The following GAN variants were observed in gnomAD, a reference collection of about 807,000 sequenced individuals.
The protein encoded by GAN is gigaxonin, also known as epididymis secretory sperm binding protein.
A neutral mutation model predicts 71.3 loss-of-function variants in GAN; 48 were observed. That is an observed-to-expected ratio of 0.67 (90% CI 0.53 to 0.86). The LOEUF is 0.86. GAN is among the 40% of genes least tolerant of loss of function. GAN has a pLI of 0.00. For missense variants in GAN, 928 were observed against 770.1 expected, an observed-to-expected ratio of 1.21 and a Z score of -2.43; for synonymous variants, 386 against 276.8, an observed-to-expected ratio of 1.39 and a Z score of -3.92.
At position 81,383,476 on chromosome 16, in the gene GAN, TCTC is replaced by T. The variant is rs1025495168; in HGVS notation, c.*5883_*5885del. The T allele has an allele frequency of 6.6e-6, 1 of 151,422 alleles. No individual in the cohort carries two copies. The highest frequency in any genetic ancestry group is 2.4e-5 in the African/African-American group (1 of 41,244). 9.4% of individuals were successfully genotyped at this position (151,422 alleles called of 1,614,324 possible). A position where few individuals can be genotyped will look rare whatever the true frequency, so the allele number is the denominator to read the frequency against. Reference sequence around the variant, plus strand: ...ACCATGTTAGCCAGCATGGTCTCGATCTCCTAAACTTCGTGATCCGCCCGCCTC... The same window carrying T: ...ACCATGTTAGCCAGCATGGTCTCGATCTAAACTTCGTGATCCGCCCGCCTC... On this transcript the variant is annotated 3_prime_UTR_variant, in exon 11 of 11. Transcript: ENST00000648994.
chr16:81,363,599 C>G (rs952097724), intron 6 of GAN, among the ~76,000 whole-genome samples, 195 bp from the exon 7 acceptor site: 1 of 152,200 alleles, frequency 6.6e-6, no homozygotes, highest in East Asian at 1.9e-4. Flanking sequence ...TTAATCCAGT[C>G]TCCCAGGTAC....
Position 81,332,796 on chromosome 16 carries a change from G to A in GAN, c.167+17516G>A, listed in dbSNP as rs112095469. Among the ~76,000 whole-genome samples the A allele has an allele frequency of 7.2e-5, 11 of 152,262 alleles. No homozygotes were observed. The South Asian group carries it at 1.9e-3, about 26-fold the overall frequency. On this transcript the variant is annotated intron_variant, in intron 1 of 10. Transcript: ENST00000648994. The stretch of plus-strand genomic sequence containing the variant: ...GTCTTGGTTTTGTTTGGTTTCTTAC[G>A]ATTAGATTGGATGGGAGGGTTGCAT...
At chr16:81,351,981 G>A (rs1910315214) in intron 2 of GAN, among the ~76,000 whole-genome samples, 1 of 152,168 alleles carries the variant, frequency 6.6e-6, no homozygotes, top group Non-Finnish European at 1.5e-5. Flanking sequence ...AACATGGGAT[G>A]CTGCCCTGAC....
intron 1 of GAN, among the ~76,000 whole-genome samples, chr16:81,316,329 C>G (rs191909897): frequency 1.7e-3 from 224 of 133,200 alleles, no homozygotes; most frequent in Middle Eastern, 0.014. Context: ...AGCGCTTTGT[C>G]CCAGCAAAAC....
chr16:81,367,320 C>G (rs1910892023), intron 9 of GAN, among the ~76,000 whole-genome samples: 1 of 151,644 alleles, frequency 6.6e-6, no homozygotes, highest in African/African-American at 2.4e-5. Context: ...GCCAGGAGTT[C>G]AAAACCAGCC....
intron 1 of GAN, among the ~76,000 whole-genome samples, chr16:81,322,070 A>G (rs1344402690): frequency 6.6e-6 from 1 of 152,218 alleles, no homozygotes; most frequent in Non-Finnish European, 1.5e-5. Flanking sequence ...ACTTAGGGCC[A>G]AAGAGTGACT....
At chr16:81,366,494 G>A (rs554177696) in intron 9 of GAN, among the ~76,000 whole-genome samples, 7 of 152,274 alleles carry the variant, frequency 4.6e-5, no homozygotes, top group African/African-American at 1.4e-4. Flanking sequence ...TGTGCTAAAC[G>A]TAATTTTATT....
chr16:81,356,385 G>A (rs1247369396), intron 3 of GAN, among the ~76,000 whole-genome samples: 2 of 151,796 alleles, frequency 1.3e-5, no homozygotes, highest in African/African-American at 2.4e-5. Context: ...TTACCATATT[G>A]TATTGAGCTA....
At chr16:81,347,256 C>T (rs1305302188) in intron 1 of GAN, among the ~76,000 whole-genome samples, 2 of 152,144 alleles carry the variant, frequency 1.3e-5, no homozygotes, top group Non-Finnish European at 2.9e-5. Flanking sequence ...CATTAGTTCA[C>T]TGGAAACTGT....
chr16:81,360,574 GA>G (rs1910641158), intron 5 of GAN, among the ~76,000 whole-genome samples: 2 of 148,726 alleles, frequency 1.3e-5, no homozygotes, highest in African/African-American at 2.5e-5. Flanking sequence ...TTTATCCATT[GA>G]TTTTTTTTTT....
In GAN at chr16:81,348,707, C is replaced by T. The variant is rs182645702; in HGVS notation, c.168-2876C>T. ...TTTAGAAGTACAGCTTCAAAATGTG[C>T]AGGAAGCTCAGAGCCCTATAGGTTA... On this transcript the variant is annotated intron_variant, in intron 1 of 10. Transcript: ENST00000648994. Among the ~76,000 whole-genome samples the T allele has an allele frequency of 2.7e-3, 405 of 152,306 alleles. 10 individuals are homozygous for T. Among genetic ancestry groups the T allele is most frequent in the Admixed American group, 0.024 (363 of 15,296 alleles).
chr16:81,376,824 C>G (rs1597413804), intron 9 of GAN, among the ~76,000 whole-genome samples: 1 of 152,128 alleles, frequency 6.6e-6, no homozygotes, highest in African/African-American at 2.4e-5. Flanking sequence ...CTGCAGTGAA[C>G]CATAATTGTG....
At chr16:81,326,496 G>T (rs1909393780) in intron 1 of GAN, among the ~76,000 whole-genome samples, 1 of 152,200 alleles carries the variant, frequency 6.6e-6, no homozygotes, top group Admixed American at 6.5e-5. Context: ...TCGCGCCATT[G>T]CGCTCTAGCC....
intron 1 of GAN, 110 bp downstream of exon 1, chr16:81,315,390 G>A: frequency 1.4e-6 from 1 of 724,870 alleles, no homozygotes; most frequent in Non-Finnish European, 1.9e-6. Flanking sequence ...CCGGCGCCGG[G>A]GTCCCCGCGT....
chr16:81,328,543 A>AT (rs1455557518), intron 1 of GAN, among the ~76,000 whole-genome samples: 4 of 152,192 alleles, frequency 2.6e-5, no homozygotes, highest in Non-Finnish European at 5.9e-5. Flanking sequence ...TGGAGACTAT[A>AT]TCCCAGATCT....
chr16:81,373,966 C>T lies in GAN; in HGVS notation c.1503-3253C>T, dbSNP rs145807020. ...CCATGTTGGCCAGGATGGTCTTGATCTCTTGACTTCGTGATCCACCCGCCT... is the reference window on the plus strand; with the variant it reads ...CCATGTTGGCCAGGATGGTCTTGATTTCTTGACTTCGTGATCCACCCGCCT... On this transcript the variant is annotated intron_variant, in intron 9 of 10. Coordinates refer to ENST00000648994, the MANE Select transcript of GAN (RefSeq NM_022041.4). Among the ~76,000 whole-genome samples the T allele has an allele frequency of 1.3e-3, 194 of 152,304 alleles. 2 individuals carry two copies. In the South Asian group the frequency reaches 0.013, roughly 10 times the overall value.
In GAN at chr16:81,377,271, G is replaced by A; in HGVS notation, c.1555G>A (p.Val519Ile). 1 of 1,612,494 alleles carries A rather than the reference G, an allele frequency of 6.2e-7. No individual in the cohort carries two copies. The highest frequency in any genetic ancestry group is 1.3e-5 in the African/African-American group (1 of 74,988). The stretch of plus-strand genomic sequence containing the variant: ...ATGCATCCCCGCCAGTTCCTCTTTT[G>A]TTTATGGAGCTGTACCTATAGGAGC... The part of the protein sequence containing the change: ...NLCIPASSSF[V>I]YGAVPIGASI... Residue 519 changes from valine (V) to isoleucine (I), a missense_variant, in exon 10 of 11, where the codon GTT becomes ATT. Physicochemically the swap from Val to Ile is conservative, Grantham distance 29. Coordinates refer to ENST00000648994, the MANE Select transcript of GAN (RefSeq NM_022041.4).
chr16:81,315,758 G>T (rs1453678571), intron 1 of GAN, among the ~76,000 whole-genome samples: 1 of 152,254 alleles, frequency 6.6e-6, no homozygotes, highest in African/African-American at 2.4e-5. Context: ...ACGCGCGGGG[G>T]CTGGGCCGGC....
At chr16:81,366,728 C>T (rs755640819) in intron 9 of GAN, among the ~76,000 whole-genome samples, 1 of 152,104 alleles carries the variant, frequency 6.6e-6, no homozygotes, top group African/African-American at 2.4e-5. Flanking sequence ...TTAGAGAATA[C>T]TTGCTGTGGT....
Sources: gnomAD v4.1 joint callset for allele counts (sites outside exome capture counted in the v4.1 genomes callset) on GRCh38, gnomAD v4.1.1 for gene constraint, MANE v1.5 for transcripts, NCBI Gene and HGNC (gene_info 2026-07-23, HGNC 2026-07-21) for gene names.